CCSER1: variants seen among roughly 807,000 people sequenced by gnomAD.
The protein encoded by CCSER1 is coiled-coil serine rich protein 1, also known as serine-rich coiled-coil domain-containing protein 1.
A neutral mutation model predicts 82.0 loss-of-function variants in CCSER1; 41 were observed. That is an observed-to-expected ratio of 0.50 (90% CI 0.39 to 0.65). CCSER1 has a LOEUF of 0.65. Among genes scored for constraint, CCSER1 ranks in the 30% least tolerant of loss-of-function variants. The probability of loss-of-function intolerance (pLI) is 0.00; values close to 1 mark genes in which losing one functional copy is unlikely to be tolerated. For synonymous variants in CCSER1, 414 were observed against 383.9 expected, an observed-to-expected ratio of 1.08 and a Z score of -0.92; for missense variants, 1,119 against 1,064.2, an observed-to-expected ratio of 1.05 and a Z score of -0.72.
intron 3 of CCSER1, among the ~76,000 whole-genome samples, chr4:90,318,555 T>C (rs1736569597): frequency 6.6e-6 from 1 of 152,236 alleles, no homozygotes; most frequent in Non-Finnish European, 1.5e-5. Flanking sequence ...ATCCGATTTA[T>C]ATTTGATTAA....
intron 10 of CCSER1, among the ~76,000 whole-genome samples, chr4:91,173,391 G>A (rs1041124377): frequency 2.4e-4 from 37 of 152,142 alleles, no homozygotes; most frequent in African/African-American, 8.4e-4. Flanking sequence ...TCAGGAGATC[G>A]AGACCATCTT....
chr4:91,310,304 C>A (rs114190929), intron 10 of CCSER1, among the ~76,000 whole-genome samples: 3,208 of 150,392 alleles, frequency 0.021, 49 homozygotes, highest in Admixed American at 0.031. Flanking sequence ...TGCATAATGA[C>A]AATGTCTTCC....
intron 3 of CCSER1, among the ~76,000 whole-genome samples, chr4:90,399,602 T>A (rs1284268629): frequency 6.6e-6 from 1 of 152,092 alleles, no homozygotes; most frequent in Non-Finnish European, 1.5e-5. Context: ...CAGACTTCTA[T>A]TTGAAAAATG....
intron 9 of CCSER1, among the ~76,000 whole-genome samples, chr4:91,021,379 A>T (rs1739949844): frequency 6.6e-6 from 1 of 152,178 alleles, no homozygotes; most frequent in African/African-American, 2.4e-5. Flanking sequence ...TTTGTAAAAA[A>T]TACAGACACT....
At chr4:90,929,283 CAA>C (rs1210259089) in intron 9 of CCSER1, among the ~76,000 whole-genome samples, 24 of 151,994 alleles carry the variant, frequency 1.6e-4, no homozygotes, top group African/African-American at 5.8e-4. Flanking sequence ...AAATTTATAA[CAA>C]ATTAATATGC....
intron 10 of CCSER1, among the ~76,000 whole-genome samples, chr4:91,267,361 G>A (rs773538549): frequency 7.2e-5 from 11 of 151,780 alleles, no homozygotes; most frequent in Admixed American, 4.6e-4. Flanking sequence ...ATCATAATTG[G>A]CATATCTATA....
At chr4:90,920,544 C>A (rs74554767) in intron 8 of CCSER1, among the ~76,000 whole-genome samples, 2 of 151,976 alleles carry the variant, frequency 1.3e-5, no homozygotes, top group East Asian at 3.9e-4. Flanking sequence ...TCACTCAGTT[C>A]CACTTCAAAT....
chr4:91,024,613 G>T (rs1740323728), intron 9 of CCSER1, among the ~76,000 whole-genome samples: 1 of 151,902 alleles, frequency 6.6e-6, no homozygotes, highest in Admixed American at 6.6e-5. Context: ...TTGTTCAGTG[G>T]ATTGAGATAA....
intron 6 of CCSER1, among the ~76,000 whole-genome samples, chr4:90,646,933 ACT>A (rs1289259727): frequency 6.6e-6 from 1 of 151,978 alleles, no homozygotes; most frequent in Non-Finnish European, 1.5e-5. Flanking sequence ...ATTGCTTAGT[ACT>A]CTCTACAAAT....
intron 8 of CCSER1, among the ~76,000 whole-genome samples, chr4:90,913,353 A>G (rs544206187): frequency 1.3e-5 from 2 of 152,354 alleles, no homozygotes; most frequent in South Asian, 4.1e-4. Context: ...TCTTAAAGAA[A>G]AGAATTTTCA....
At chr4:90,841,200 TTG>T (rs1388631854) in intron 8 of CCSER1, among the ~76,000 whole-genome samples, 2 of 152,106 alleles carry the variant, frequency 1.3e-5, no homozygotes, top group East Asian at 3.9e-4. Flanking sequence ...AAATATTAGT[TTG>T]TGACTTAGAT....
chr4:90,240,270 A>C (rs1167214933), intron 1 of CCSER1, among the ~76,000 whole-genome samples: 1 of 152,134 alleles, frequency 6.6e-6, no homozygotes, highest in Non-Finnish European at 1.5e-5. Flanking sequence ...ACTCAGGAGG[A>C]CTGCCAGAGG....
chr4:90,761,508 C>A (rs879339171), intron 7 of CCSER1, among the ~76,000 whole-genome samples: 4 of 152,094 alleles, frequency 2.6e-5, no homozygotes, highest in Admixed American at 6.6e-5. Context: ...AGTCATTTGG[C>A]CTCCGAGTTA....
chr4:91,071,511 A>G (rs1190336278), intron 9 of CCSER1, among the ~76,000 whole-genome samples: 1 of 152,144 alleles, frequency 6.6e-6, no homozygotes, highest in African/African-American at 2.4e-5. Context: ...CATGTTAAGA[A>G]CTATCAAGAG....
intron 7 of CCSER1, among the ~76,000 whole-genome samples, chr4:90,815,526 ATGTGTG>A (rs113631267): frequency 1.3e-5 from 2 of 150,588 alleles, no homozygotes; most frequent in African/African-American, 2.4e-5. Context: ...GTGTGTGTGG[ATGTGTG>A]TGTGTGTGTG....
intron 1 of CCSER1, among the ~76,000 whole-genome samples, chr4:90,289,894 T>A (rs1023306413): frequency 1.3e-5 from 2 of 151,716 alleles, no homozygotes; most frequent in African/African-American, 4.8e-5. Context: ...TTTCACACAT[T>A]GTGAAATTGA....
chr4:90,663,679 A>C (rs1008372841), intron 6 of CCSER1, among the ~76,000 whole-genome samples: 3 of 152,166 alleles, frequency 2.0e-5, no homozygotes, highest in Non-Finnish European at 2.9e-5. Context: ...AATTTTTTCA[A>C]ATATTTATTT....
chr4:91,490,919 T>TAA (rs1758497343), intron 10 of CCSER1, among the ~76,000 whole-genome samples: 1 of 81,926 alleles, frequency 1.2e-5, no homozygotes, highest in African/African-American at 5.0e-5. Flanking sequence ...TATATATATA[T>TAA]ATATATATAA....
chr4:90,773,581 A>G (rs1157459053), intron 7 of CCSER1, among the ~76,000 whole-genome samples: 4 of 152,330 alleles, frequency 2.6e-5, no homozygotes, highest in African/African-American at 9.6e-5. Flanking sequence ...CCTCCTCTCC[A>G]GTATTTTTTA....
Sources: allele counts gnomAD v4.1 joint callset (sites outside exome capture counted in the v4.1 genomes callset), GRCh38; gene constraint gnomAD v4.1.1; transcripts MANE v1.5; gene names NCBI Gene and HGNC (gene_info 2026-07-23, HGNC 2026-07-21).